Variants in RAMP3 observed in about 807,000 individuals in gnomAD.
RAMP3 encodes receptor activity-modifying protein 3.
In RAMP3, 14 loss-of-function variants were observed where a neutral mutation model predicts 13.5. The observed-to-expected ratio is 1.04, with a 90% CI of 0.69 to 1.63. RAMP3 has a LOEUF of 1.63. RAMP3 is among the 40% of genes most tolerant of loss of function. The pLI, the probability that RAMP3 is intolerant of heterozygous loss-of-function variation, is 0.00. For synonymous variants in RAMP3, 106 were observed against 88.3 expected (o/e 1.20, Z -1.12); for missense variants, 200 against 204.8 (o/e 0.98, Z 0.14).
intron 1 of RAMP3, among the ~76,000 whole-genome samples, chr7:45,176,495 T>C (rs1786189991): frequency 6.6e-6 from 1 of 151,486 alleles, no homozygotes; most frequent in Non-Finnish European, 1.5e-5. Flanking sequence ...CTCTTGAGTA[T>C]ATGATGAGCA....
intron 2 of RAMP3, 110 bp downstream of exon 2, chr7:45,177,551 C>G (rs1457181944): frequency 2.0e-6 from 3 of 1,514,248 alleles, no homozygotes; most frequent in East Asian, 2.3e-5. Context: ...TCACCCATGC[C>G]TCACCCACAA....
At chr7:45,168,787 C>G (rs1039266962) in intron 1 of RAMP3, among the ~76,000 whole-genome samples, 2 of 152,170 alleles carry the variant, frequency 1.3e-5, no homozygotes, top group African/African-American at 2.4e-5. Flanking sequence ...CTTAATTGCT[C>G]TGGCTAGAAC....
chr7:45,177,732 C>T (rs1443346212), intron 2 of RAMP3, among the ~76,000 whole-genome samples: 1 of 152,188 alleles, frequency 6.6e-6, no homozygotes, highest in African/African-American at 2.4e-5. Context: ...GGCATTTGTG[C>T]TCCCCACACC....
chr7:45,163,675 A>C (rs538582567), intron 1 of RAMP3: 2 of 985,348 alleles, frequency 2.0e-6, no homozygotes, highest in Non-Finnish European at 2.4e-6. Flanking sequence ...AACACACAGA[A>C]TCAGAATCAC....
In RAMP3 at chr7:45,172,080, G is replaced by GGCA. The variant is rs372186559; in HGVS notation, c.59-5227_59-5226insAGC. On this transcript the variant is annotated intron_variant, in intron 1 of 2. Transcript: ENST00000242249. ...GGGTGGTTGGGGCCCCAGTACTCTT[G>GGCA]GCCTGCCATGCCTGGTGCAGAACCT... Among the ~76,000 whole-genome samples, 14 of 85,052 alleles carry GGCA rather than the reference G, an allele frequency of 1.6e-4. No homozygotes were observed. The South Asian group carries it at 2.0e-3, about 12-fold the overall frequency. The allele number at this position is 85,052 out of a possible 152,430, so 55.8% of individuals were successfully genotyped here.
At chr7:45,182,704 G>T (rs1786339978) in intron 2 of RAMP3, among the ~76,000 whole-genome samples, 1 of 152,220 alleles carries the variant, frequency 6.6e-6, no homozygotes, top group South Asian at 2.1e-4. Flanking sequence ...AGGCTGACTT[G>T]ATTAGGAGGT....
intron 2 of RAMP3, among the ~76,000 whole-genome samples, chr7:45,178,095 C>T (rs913669960): frequency 6.6e-6 from 1 of 152,122 alleles, no homozygotes; most frequent in Non-Finnish European, 1.5e-5. Context: ...GGTGCTCCAC[C>T]TCTCCTTACA....
chr7:45,171,404 C>T (rs911191702), intron 1 of RAMP3, among the ~76,000 whole-genome samples: 1 of 152,172 alleles, frequency 6.6e-6, no homozygotes, highest in African/African-American at 2.4e-5. Context: ...GACCTGCCCA[C>T]CTTGGCCTCT....
intron 1 of RAMP3, among the ~76,000 whole-genome samples, chr7:45,165,784 CATATA>C (rs1489897156): frequency 6.6e-6 from 1 of 152,186 alleles, no homozygotes; most frequent in Non-Finnish European, 1.5e-5. Context: ...TAAATGGCAT[CATATA>C]ATATGTGAGA....
At chr7:45,170,134 G>A (rs1165547785) in intron 1 of RAMP3, among the ~76,000 whole-genome samples, 1 of 140,696 alleles carries the variant, frequency 7.1e-6, no homozygotes, top group Non-Finnish European at 1.5e-5. Flanking sequence ...TTGTCAATTT[G>A]TTGATCTTTT....
chr7:45,161,827 C>A (rs1183476886), intron 1 of RAMP3, among the ~76,000 whole-genome samples: 1 of 151,762 alleles, frequency 6.6e-6, no homozygotes, highest in Non-Finnish European at 1.5e-5. Flanking sequence ...CCAGGTGGAC[C>A]AGGCTGCAGG....
chr7:45,177,577 C>T, intron 2 of RAMP3, 136 bp downstream of exon 2: 2 of 1,311,846 alleles, frequency 1.5e-6, no homozygotes, highest in African/African-American at 1.5e-5. Context: ...CGTAGGCCAC[C>T]CACAGCCCTT....
At chr7:45,160,570 C>G (rs541632608) in intron 1 of RAMP3, among the ~76,000 whole-genome samples, 2 of 151,962 alleles carry the variant, frequency 1.3e-5, no homozygotes, top group Non-Finnish European at 2.9e-5. Flanking sequence ...GTCGACTGAC[C>G]GTGGCCCATG....
chr7:45,157,943 C>T (rs1480141451), intron 1 of RAMP3, 57 bp downstream of exon 1: 17 of 1,298,502 alleles, frequency 1.3e-5, no homozygotes, highest in Non-Finnish European at 9.8e-7. Flanking sequence ...TTCACCGGAC[C>T]CGGGTGGACC....
At position 45,174,100 on chromosome 7, in the gene RAMP3, G is replaced by A. The variant is rs190633130; in HGVS notation, c.59-3209G>A. On this transcript the variant is annotated intron_variant, in intron 1 of 2. Transcript: ENST00000242249. ...GAGCAGACAGGATGGGGAGCACCGT[G>A]CTTTGGCTGGAGGAGTGAGCCAGGA... is the stretch of plus-strand genomic sequence containing the variant. Among the ~76,000 whole-genome samples the A allele has an allele frequency of 1.1e-3, 175 of 152,292 alleles. 1 individual carries two copies. The highest frequency in any genetic ancestry group is 0.011 in the Admixed American group (162 of 15,300).
At chr7:45,179,509 AC>A (rs1199061561) in intron 2 of RAMP3, among the ~76,000 whole-genome samples, 3 of 152,212 alleles carry the variant, frequency 2.0e-5, no homozygotes, top group Non-Finnish European at 4.4e-5. Context: ...TCAGAGGGCA[AC>A]AACTATCTCT....
At chr7:45,181,498 G>A (rs1451779076) in intron 2 of RAMP3, among the ~76,000 whole-genome samples, 1 of 152,206 alleles carries the variant, frequency 6.6e-6, no homozygotes, top group Non-Finnish European at 1.5e-5. Flanking sequence ...GGTTGTTGGG[G>A]GGTGGCATTC....
At chr7:45,172,453 C>T (rs1038340482) in intron 1 of RAMP3, among the ~76,000 whole-genome samples, 8 of 152,296 alleles carry the variant, frequency 5.3e-5, no homozygotes, top group Admixed American at 4.6e-4. Context: ...ACCACCATCC[C>T]AGAAGTCTGT....
chr7:45,167,033 C>T (rs1204373149), intron 1 of RAMP3, among the ~76,000 whole-genome samples: 3 of 146,580 alleles, frequency 2.0e-5, no homozygotes, highest in Non-Finnish European at 4.5e-5. Context: ...TCTCCGCTCA[C>T]TGCAAGCTCC....
Sources: allele counts gnomAD v4.1 joint callset (sites outside exome capture counted in the v4.1 genomes callset), GRCh38; gene constraint gnomAD v4.1.1; transcripts MANE v1.5; gene names NCBI Gene and HGNC (gene_info 2026-07-23, HGNC 2026-07-21).